The following NLK variants were observed in gnomAD, a reference collection of about 807,000 sequenced individuals.
The protein encoded by NLK is serine/threonine-protein kinase NLK.
A neutral mutation model predicts 59.0 loss-of-function variants in NLK; 11 were observed. The observed-to-expected ratio is 0.19, with a 90% CI of 0.12 to 0.31. NLK has a LOEUF of 0.31. Among genes scored for constraint, NLK ranks in the 10% least tolerant of loss-of-function variants. The pLI, the probability that NLK is intolerant of heterozygous loss-of-function variation, is 1.00. For missense variants in NLK, 410 were observed against 661.1 expected (o/e 0.62, Z 4.16); for synonymous variants, 235 against 235.9 (o/e 1.00, Z 0.03).
At chr17:28,061,947 T>A (rs1909674456) in intron 1 of NLK, 1 of 146,528 alleles carries the variant, frequency 6.8e-6, no homozygotes, top group Non-Finnish European at 1.5e-5. Flanking sequence ...TTTTTTTTTT[T>A]TTAAGAAAAC....
At chr17:28,203,576 G>A in the NLK span, among the ~76,000 whole-genome samples, 3 of 151,846 alleles carry the variant, frequency 2.0e-5, no homozygotes, top group Non-Finnish European at 2.9e-5. Context: ...TCACCATGTC[G>A]CTCAGGCTGG....
chr17:28,064,174 CTTTTTTTTT>C (rs66949112), intron 1 of NLK, among the ~76,000 whole-genome samples: 1 of 99,608 alleles, frequency 1.0e-5, no homozygotes, highest in Non-Finnish European at 1.9e-5. Flanking sequence ...AGTTAGCAAA[CTTTTTTTTT>C]TTTTTTTTTT....
At position 28,119,029 on chromosome 17, in the gene NLK, A is replaced by G. The variant is rs898588940; in HGVS notation, c.459-3574A>G. On this transcript the variant is annotated intron_variant, in intron 1 of 10. Coordinates refer to ENST00000407008, the MANE Select transcript of NLK (RefSeq NM_016231.5). The stretch of plus-strand genomic sequence containing the variant: ...GCTCCTTTTTTTCTGAAATGAAGAA[A>G]CTTGTACTAAATGTTGTTCATTATC... 5.3e-5 allele frequency among the ~76,000 whole-genome samples: 8 copies of G among 152,290 alleles called. No homozygotes were observed. In the South Asian group the frequency reaches 8.3e-4, roughly 16 times the overall value.
At chr17:28,056,060 A>C (rs919662273) in intron 1 of NLK, among the ~76,000 whole-genome samples, 1 of 152,190 alleles carries the variant, frequency 6.6e-6, no homozygotes, top group Non-Finnish European at 1.5e-5. Flanking sequence ...GTAACCTACA[A>C]CTCAGAGATA....
At chr17:28,072,339 T>G (rs909218882) in intron 1 of NLK, among the ~76,000 whole-genome samples, 9 of 151,240 alleles carry the variant, frequency 6.0e-5, no homozygotes, top group Non-Finnish European at 1.2e-4. Context: ...TTTTTTTTTT[T>G]TTTTGAGACA....
intron 1 of NLK, among the ~76,000 whole-genome samples, chr17:28,110,135 T>G (rs1168276161): frequency 6.6e-6 from 1 of 152,238 alleles, no homozygotes; most frequent in Non-Finnish European, 1.5e-5. Flanking sequence ...TTTTTAAAAT[T>G]TATTCCGTAA....
intron 3 of NLK, among the ~76,000 whole-genome samples, chr17:28,155,088 C>T (rs1597713908): frequency 6.6e-6 from 1 of 152,072 alleles, no homozygotes; most frequent in African/African-American, 2.4e-5. Context: ...TAACAATGAT[C>T]ACTTGGTTAA....
At chr17:28,147,094 A>G (rs938850250) in intron 3 of NLK, among the ~76,000 whole-genome samples, 13 of 151,650 alleles carry the variant, frequency 8.6e-5, no homozygotes, top group African/African-American at 2.4e-4. Context: ...TCTTTTTCCA[A>G]CCTCTTGGCT....
intron 5 of NLK, among the ~76,000 whole-genome samples, chr17:28,168,152 C>T (rs867377292): frequency 6.9e-6 from 1 of 143,894 alleles, no homozygotes; most frequent in African/African-American, 2.6e-5. Flanking sequence ...TGGTGAAACC[C>T]CTTCTCTACT....
At chr17:28,198,098 A>T (rs1459566424), downstream of NLK, among the ~76,000 whole-genome samples, 3 of 152,144 alleles carry the variant, frequency 2.0e-5, no homozygotes, top group African/African-American at 7.2e-5. Context: ...AGACACCCCT[A>T]AGGATAAATG....
At chr17:28,198,879 G>A (rs1038523229), downstream of NLK, among the ~76,000 whole-genome samples, 3 of 152,182 alleles carry the variant, frequency 2.0e-5, no homozygotes, top group Admixed American at 6.5e-5. Flanking sequence ...AAAACCCCTG[G>A]AAAGTAAAGC....
intron 5 of NLK, among the ~76,000 whole-genome samples, chr17:28,164,112 G>A (rs1908122486): frequency 6.6e-6 from 1 of 152,206 alleles, no homozygotes; most frequent in Non-Finnish European, 1.5e-5. Context: ...GCTCATGCCT[G>A]TAATTCCAGC....
chr17:28,111,893 T>G (rs1567717032), intron 1 of NLK, among the ~76,000 whole-genome samples: 1 of 104,440 alleles, frequency 9.6e-6, no homozygotes, highest in African/African-American at 4.2e-5. Context: ...TGTGTGTGTG[T>G]GTGGTGTGTG....
chr17:28,172,634 A>T lies in NLK; in HGVS notation c.1149+16A>T. 1 of 1,421,242 alleles carries T rather than the reference A, an allele frequency of 7.0e-7. No homozygotes were observed. The highest frequency in any genetic ancestry group is 9.5e-7 in the Non-Finnish European group (1 of 1,054,610). 88.0% of individuals were successfully genotyped at this position (1,421,242 alleles called of 1,614,324 possible). ...TCATAAACAGGTGAGAGGAGGGGGG[A>T]ATCTTTTTCTGGTAACCATCTGTTT... On this transcript the variant is annotated intron_variant, in intron 7 of 10. Transcript: ENST00000407008.
downstream of NLK, among the ~76,000 whole-genome samples, chr17:28,201,105 G>T (rs1392678690): frequency 1.3e-5 from 2 of 152,000 alleles, no homozygotes; most frequent in Admixed American, 6.6e-5. Flanking sequence ...TTTTAGACAG[G>T]GTCTCCCTCT....
intron 1 of NLK, among the ~76,000 whole-genome samples, chr17:28,108,992 C>T (rs1905336485): frequency 6.6e-6 from 1 of 152,022 alleles, no homozygotes; most frequent in South Asian, 2.1e-4. Context: ...CATGGTGAAA[C>T]CCCATCTCTA....
At chr17:28,181,071 C>T (rs984719951) in intron 7 of NLK, among the ~76,000 whole-genome samples, 2 of 151,552 alleles carry the variant, frequency 1.3e-5, no homozygotes, top group African/African-American at 4.9e-5. Flanking sequence ...CTGGGCAACA[C>T]AGGGAGACCC....
chr17:28,176,276 T>C (rs2142061173), intron 7 of NLK, among the ~76,000 whole-genome samples: 1 of 152,376 alleles, frequency 6.6e-6, no homozygotes, highest in Admixed American at 6.5e-5. Flanking sequence ...GTGTTTAAAC[T>C]CATGAAGAAT....
intron 1 of NLK, chr17:28,048,170 A>G: frequency 2.6e-6 from 1 of 384,460 alleles, no homozygotes; most frequent in Non-Finnish European, 4.6e-6. Context: ...CATAAAGTAG[A>G]TAAAGAGTAG....
Sources: allele counts gnomAD v4.1 joint callset (sites outside exome capture counted in the v4.1 genomes callset), GRCh38; gene constraint gnomAD v4.1.1; transcripts MANE v1.5; gene names NCBI Gene and HGNC (gene_info 2026-07-23, HGNC 2026-07-21).